APMAP: variants seen among roughly 807,000 people sequenced by gnomAD.
The protein encoded by APMAP is adipocyte plasma membrane associated protein.
In APMAP, 33 loss-of-function variants were observed where a neutral mutation model predicts 43.6. The ratio of observed to expected loss-of-function variants is 0.76; its 90% CI spans 0.57 to 1.01. The LOEUF (loss-of-function observed/expected upper bound fraction) is 1.01, where lower values mean the gene tolerates loss of function less well. Ranked by LOEUF, APMAP falls within the 50% of genes least tolerant of loss-of-function variation. The pLI, the probability that APMAP is intolerant of heterozygous loss-of-function variation, is 0.00. For missense variants in APMAP, 498 were observed against 540.7 expected (o/e 0.92, Z 0.78); for synonymous variants, 224 against 216.7 (o/e 1.03, Z -0.30).
intron 6 of APMAP, 56 bp downstream of exon 6, chr20:24,970,141 A>T: frequency 6.3e-7 from 1 of 1,595,102 alleles, no homozygotes; most frequent in Non-Finnish European, 8.6e-7. Flanking sequence ...GCTCTGCTGA[A>T]GCAACTGGCC....
intron 1 of APMAP, among the ~76,000 whole-genome samples, chr20:24,991,366 T>A (rs1206198227): frequency 1.3e-5 from 2 of 152,218 alleles, no homozygotes; most frequent in South Asian, 4.1e-4. Context: ...TTTGCCCAGG[T>A]TTAGCACTGA....
chr20:24,992,683 G>C lies in APMAP; in HGVS notation c.6C>G (p.Ser2Arg). ...GGCGCTGTCGCAGCCCGTCCGCCTC[G>C]CTCATGGTACGGGCGCCAGCCTCAC... M[S>R]EADGLRQRRP... Residue 2 changes from serine to arginine, a missense_variant, in exon 1 of 9, where the codon AGC becomes AGG. By Grantham distance (110) the Ser-to-Arg change is moderately radical. Coordinates refer to ENST00000217456, the MANE Select transcript of APMAP (RefSeq NM_020531.3). 6.5e-7 allele frequency: 1 copy of C among 1,527,838 alleles called. No homozygotes were observed. Among genetic ancestry groups the C allele is most frequent in the African/African-American group, 1.4e-5 (1 of 72,080 alleles). 94.6% of individuals were successfully genotyped at this position (1,527,838 alleles called of 1,614,324 possible).
At chr20:24,977,255 G>A (rs6106981) in intron 3 of APMAP, among the ~76,000 whole-genome samples, 13,668 of 152,254 alleles carry the variant, frequency 0.09, 696 homozygotes, top group Middle Eastern at 0.12. Flanking sequence ...TGATCATGTG[G>A]GAGGCTGTGC....
intron 2 of APMAP, among the ~76,000 whole-genome samples, chr20:24,979,323 G>A (rs1477764440): frequency 6.6e-6 from 1 of 152,192 alleles, no homozygotes; most frequent in Non-Finnish European, 1.5e-5. Flanking sequence ...GATGGAAGGA[G>A]CAAGGGGAGA....
intron 2 of APMAP, among the ~76,000 whole-genome samples, chr20:24,979,624 C>A (rs1407071199): frequency 1.3e-5 from 2 of 152,162 alleles, no homozygotes; most frequent in South Asian, 2.1e-4. Context: ...GCTGGGGCCA[C>A]CATCCTCTCG....
At chr20:24,969,472 C>G in intron 7 of APMAP, 54 bp downstream of exon 7, 1 of 1,552,760 alleles carries the variant, frequency 6.4e-7, no homozygotes, top group Non-Finnish European at 8.8e-7. Context: ...CACCCCACCC[C>G]GGCCATGATG....
Position 24,978,777 on chromosome 20 carries a change from T to A in APMAP, c.318A>T (p.Ala106=). 2 of 1,392,164 alleles carry A rather than the reference T, an allele frequency of 1.4e-6. No homozygotes were observed. Among genetic ancestry groups the A allele is most frequent in the Non-Finnish European group, 1.9e-6 (2 of 1,036,530 alleles). The allele number at this position is 1,392,164 out of a possible 1,614,324, so 86.2% of individuals were successfully genotyped here. ...ENQLVGPESI[A]HIGDVMFTGT... ...CAAGCTTAGACTTACCCCCAATATG[T>A]GCTATGGACTCCGGTCCAACAAGTT... The change falls in exon 3 of 9, where the codon GCA becomes GCT. Residue 106 remains alanine, a synonymous_variant. Transcript: ENST00000217456.
chr20:24,978,915 A>G (rs936935503), intron 2 of APMAP, 33 bp from the exon 3 acceptor site: 1 of 1,536,034 alleles, frequency 6.5e-7, no homozygotes, highest in Non-Finnish European at 9.0e-7. Context: ...AGATCTGTCT[A>G]TAAATACACA....
chr20:24,983,924 G>C lies in APMAP; in HGVS notation c.191C>G (p.Pro64Arg), dbSNP rs768914880. The change falls in exon 2 of 9, where the codon CCT (proline) becomes CGT (arginine). Residue 64 changes from proline (P) to arginine (R), a missense_variant. Physicochemically the swap from Pro to Arg is moderately radical, Grantham distance 103. Transcript: ENST00000217456. ...LLGAMMLLES[P>R]IDPQPLSFKE... is the part of the protein sequence containing the mutation. ...CTACCTGAGAGGCTGTGGATCTATA[G>C]GAGATTCCAGCAGCATCATGGCTCC... is the stretch of plus-strand genomic sequence containing the variant. 6.2e-7 allele frequency: 1 copy of C among 1,612,804 alleles called. No individual in the cohort carries two copies. The highest frequency in any genetic ancestry group is 8.5e-7 in the Non-Finnish European group (1 of 1,178,842).
At chr20:24,964,317 T>C (rs2087925445) in intron 8 of APMAP, 1 of 583,820 alleles carries the variant, frequency 1.7e-6, no homozygotes, top group Non-Finnish European at 3.3e-6. Flanking sequence ...GAGAGAGACA[T>C]ATCACATCCG....
chr20:24,970,942 T>C (rs6114967), intron 5 of APMAP, among the ~76,000 whole-genome samples: 13,669 of 152,136 alleles, frequency 0.09, 700 homozygotes, highest in Middle Eastern at 0.12. Flanking sequence ...GCAGGGCCTA[T>C]GTTCGGGCCC....
chr20:24,966,753 A>C (rs1054207902), intron 8 of APMAP, among the ~76,000 whole-genome samples: 1 of 152,192 alleles, frequency 6.6e-6, no homozygotes, highest in Non-Finnish European at 1.5e-5. Flanking sequence ...TTTGTTATAA[A>C]GGACAACACC....
intron 5 of APMAP, 22 bp downstream of exon 5, chr20:24,971,438 G>A (rs749915980): frequency 6.3e-7 from 1 of 1,590,480 alleles, no homozygotes; most frequent in South Asian, 1.1e-5. Context: ...TTCATAGAAG[G>A]AAACGAGATA....
chr20:24,967,958 C>T (rs567476012), intron 8 of APMAP, among the ~76,000 whole-genome samples: 63 of 152,374 alleles, frequency 4.1e-4, no homozygotes, highest in African/African-American at 1.5e-3. Context: ...AATGTGCACG[C>T]AGCCCCCAGG....
intron 2 of APMAP, among the ~76,000 whole-genome samples, chr20:24,982,831 A>AC (rs3086643): frequency 0.079 from 11,211 of 141,786 alleles, 567 homozygotes; most frequent in African/African-American, 0.14. Context: ...ACATCAGGGG[A>AC]CCCCCCCCCG....
chr20:24,980,523 G>A (rs2088094095), intron 2 of APMAP, among the ~76,000 whole-genome samples: 1 of 151,572 alleles, frequency 6.6e-6, no homozygotes, highest in African/African-American at 2.4e-5. Flanking sequence ...GGGCAGCGCG[G>A]GGCCACCATG....
intron 3 of APMAP, among the ~76,000 whole-genome samples, chr20:24,977,556 G>A (rs951926896): frequency 3.3e-5 from 5 of 152,082 alleles, no homozygotes; most frequent in South Asian, 4.1e-4. Flanking sequence ...AGGTCCCTGC[G>A]GCTCACACCC....
chr20:24,971,311 C>T lies in APMAP; in HGVS notation c.538+149G>A. On this transcript the variant is annotated intron_variant, in intron 5 of 8. Coordinates refer to ENST00000217456, the MANE Select transcript of APMAP (RefSeq NM_020531.3). The stretch of plus-strand genomic sequence containing the variant: ...GGTGTTTAAAACTAGCTGACTTTTG[C>T]AGGCAATGTTTTCAGTACTGTTCAG... The T allele has an allele frequency of 4.5e-6, 3 of 673,398 alleles. No homozygotes were observed. In the South Asian group the frequency reaches 8.1e-5, roughly 18 times the overall value. The allele number at this position is 673,398 out of a possible 1,614,324, so 41.7% of individuals were successfully genotyped here.
At chr20:24,970,521 C>T (rs2087989782) in intron 5 of APMAP, 150 bp from the exon 6 acceptor site, 1 of 740,886 alleles carries the variant, frequency 1.3e-6, no homozygotes, top group African/African-American at 1.8e-5. Context: ...ATAGTAAAAA[C>T]AGTATTAGGT....
Sources: gnomAD v4.1 joint callset for allele counts (sites outside exome capture counted in the v4.1 genomes callset) on GRCh38, gnomAD v4.1.1 for gene constraint, MANE v1.5 for transcripts, NCBI Gene and HGNC (gene_info 2026-07-23, HGNC 2026-07-21) for gene names.